Variants in PCSK2 observed in about 807,000 individuals in gnomAD.
PCSK2 encodes neuroendocrine convertase 2.
In PCSK2, 14 loss-of-function variants were observed where a neutral mutation model predicts 69.7. The ratio of observed to expected loss-of-function variants is 0.20; its 90% CI spans 0.13 to 0.31. PCSK2 has a LOEUF of 0.31. PCSK2 is among the 10% of genes least tolerant of loss of function. The probability of loss-of-function intolerance (pLI) is 1.00; values close to 1 mark genes in which losing one functional copy is unlikely to be tolerated. For synonymous variants in PCSK2, 307 were observed against 320.7 expected (o/e 0.96, Z 0.46); for missense variants, 544 against 842.5 (o/e 0.65, Z 4.39).
chr20:17,452,234 G>A (rs2032838500), intron 8 of PCSK2, among the ~76,000 whole-genome samples: 1 of 107,270 alleles, frequency 9.3e-6, no homozygotes, highest in South Asian at 3.7e-4. Flanking sequence ...TTGAGAGTGT[G>A]ATCCTCCACA....
At chr20:17,297,189 G>C (rs997916602) in intron 2 of PCSK2, among the ~76,000 whole-genome samples, 6 of 152,336 alleles carry the variant, frequency 3.9e-5, no homozygotes, top group Middle Eastern at 3.4e-3. Context: ...ATAGCAAAGA[G>C]TCCGAGGTAG....
chr20:17,341,077 T>C (rs1990498150), intron 2 of PCSK2, among the ~76,000 whole-genome samples: 1 of 151,984 alleles, frequency 6.6e-6, no homozygotes. Context: ...ATGTCTCTAC[T>C]AAAAATACAA....
chr20:17,376,526 C>A (rs142385024), intron 5 of PCSK2, among the ~76,000 whole-genome samples: 2 of 152,176 alleles, frequency 1.3e-5, no homozygotes, highest in East Asian at 1.9e-4. Flanking sequence ...TAGGGACAAG[C>A]CTCATAGTGT....
intron 6 of PCSK2, among the ~76,000 whole-genome samples, chr20:17,427,283 A>G (rs1459830182): frequency 6.6e-6 from 1 of 152,222 alleles, no homozygotes; most frequent in Non-Finnish European, 1.5e-5. Context: ...ACATATATAA[A>G]TACATGCTTT....
intron 2 of PCSK2, among the ~76,000 whole-genome samples, chr20:17,299,178 T>G (rs974619573): frequency 6.6e-6 from 1 of 152,236 alleles, no homozygotes; most frequent in Non-Finnish European, 1.5e-5. Context: ...CCTCATCTAT[T>G]TGTTTTCACA....
chr20:17,370,749 C>T (rs1302412676), intron 5 of PCSK2, among the ~76,000 whole-genome samples: 2 of 152,216 alleles, frequency 1.3e-5, no homozygotes, highest in East Asian at 3.9e-4. Flanking sequence ...TCCTTGCTGC[C>T]TCTCCCTGAC....
intron 1 of PCSK2, among the ~76,000 whole-genome samples, chr20:17,241,781 CA>C (rs1323896288): frequency 6.6e-6 from 1 of 152,144 alleles, no homozygotes; most frequent in Non-Finnish European, 1.5e-5. Context: ...TATATGAATG[CA>C]GAACAAATCC....
chr20:17,361,112 C>T (rs1053023212), intron 4 of PCSK2, among the ~76,000 whole-genome samples: 1 of 152,170 alleles, frequency 6.6e-6, no homozygotes, highest in Non-Finnish European at 1.5e-5. Context: ...TTCTTGATAT[C>T]CACATGGGGC....
At chr20:17,369,960 T>G (rs568714086) in intron 5 of PCSK2, among the ~76,000 whole-genome samples, 5 of 152,200 alleles carry the variant, frequency 3.3e-5, no homozygotes, top group Non-Finnish European at 7.3e-5. Context: ...TACTATCCCT[T>G]GACAAACAAG....
chr20:17,314,592 G>A (rs372905923), intron 2 of PCSK2, among the ~76,000 whole-genome samples: 23 of 152,304 alleles, frequency 1.5e-4, no homozygotes, highest in African/African-American at 4.8e-4. Flanking sequence ...TTTGTGCCTA[G>A]CTTGTCTGTG....
intron 5 of PCSK2, among the ~76,000 whole-genome samples, chr20:17,393,842 G>T (rs2031445922): frequency 6.6e-6 from 1 of 152,090 alleles, no homozygotes; most frequent in African/African-American, 2.4e-5. Flanking sequence ...AATAAAAGTG[G>T]TATGGCACTA....
intron 2 of PCSK2, among the ~76,000 whole-genome samples, chr20:17,331,393 A>G (rs1420147395): frequency 6.6e-6 from 1 of 152,238 alleles, no homozygotes; most frequent in Non-Finnish European, 1.5e-5. Flanking sequence ...AACCTGAGTC[A>G]TGAACCATCT....
At chr20:17,428,111 G>C (rs939876918) in intron 6 of PCSK2, among the ~76,000 whole-genome samples, 2 of 152,126 alleles carry the variant, frequency 1.3e-5, no homozygotes, top group African/African-American at 4.8e-5. Flanking sequence ...TTCCTCTGGA[G>C]AGCCCATGGC....
chr20:17,251,633 A>T (rs1187293878), intron 1 of PCSK2, among the ~76,000 whole-genome samples: 2 of 152,280 alleles, frequency 1.3e-5, no homozygotes, highest in Non-Finnish European at 2.9e-5. Context: ...CAGCTGTGAA[A>T]GCTGAAGAAA....
chr20:17,251,454 C>G (rs763312360), intron 1 of PCSK2, among the ~76,000 whole-genome samples: 1 of 152,168 alleles, frequency 6.6e-6, no homozygotes, highest in Non-Finnish European at 1.5e-5. Context: ...GAAAAGACCC[C>G]TGGTTAAGTT....
At chr20:17,416,551 G>A (rs1218839916) in intron 6 of PCSK2, among the ~76,000 whole-genome samples, 1 of 150,146 alleles carries the variant, frequency 6.7e-6, no homozygotes, top group African/African-American at 2.4e-5. Context: ...TGGAGAAATA[G>A]GAACGCTTTT....
At chr20:17,400,620 A>G (rs1350088647) in intron 5 of PCSK2, among the ~76,000 whole-genome samples, 1 of 152,206 alleles carries the variant, frequency 6.6e-6, no homozygotes, top group Non-Finnish European at 1.5e-5. Context: ...TACAAAATGT[A>G]ATTAAAACTA....
At chr20:17,351,172 G>A (rs1298820736) in intron 2 of PCSK2, among the ~76,000 whole-genome samples, 1 of 152,180 alleles carries the variant, frequency 6.6e-6, no homozygotes, top group African/African-American at 2.4e-5. Context: ...CTAGAGGTGG[G>A]TAAGGGATGG....
rs551332655 is a variant in PCSK2, at chr20:17,380,307, C to T, written c.543+11030C>T. Among the ~76,000 whole-genome samples the T allele has an allele frequency of 1.1e-4, 16 of 152,266 alleles. No individual in the cohort carries two copies. In the East Asian group the frequency reaches 2.5e-3, roughly 24 times the overall value. Reference sequence around the variant, plus strand: ...AAAATAGACCACTCCTCAGTTTTTACTTTTTCTTAATATGTTTGCTTTTAT... The same window carrying T: ...AAAATAGACCACTCCTCAGTTTTTATTTTTTCTTAATATGTTTGCTTTTAT... On this transcript the variant is annotated intron_variant, in intron 5 of 11. Coordinates refer to ENST00000262545, the MANE Select transcript of PCSK2 (RefSeq NM_002594.5).
Sources: allele counts gnomAD v4.1 joint callset (sites outside exome capture counted in the v4.1 genomes callset), GRCh38; gene constraint gnomAD v4.1.1; transcripts MANE v1.5; gene names NCBI Gene and HGNC (gene_info 2026-07-23, HGNC 2026-07-21).